The following GFRA1 variants were observed in gnomAD, a reference collection of about 807,000 sequenced individuals.
The protein encoded by GFRA1 is GDNF family receptor alpha-1.
GFRA1 carries 16 observed loss-of-function variants against 51.6 expected under a neutral mutation model. The ratio of observed to expected loss-of-function variants is 0.31; its 90% CI spans 0.21 to 0.47. GFRA1 has a LOEUF of 0.47. GFRA1 is among the 20% of genes least tolerant of loss of function. The pLI, the probability that GFRA1 is intolerant of heterozygous loss-of-function variation, is 1.00. For synonymous variants in GFRA1, 270 were observed against 241.3 expected, an observed-to-expected ratio of 1.12 and a Z score of -1.10; for missense variants, 530 against 594.3, an observed-to-expected ratio of 0.89 and a Z score of 1.13.
chr10:116,096,896 C>CAT, intron 6 of GFRA1, 132 bp from the exon 7 acceptor site: 2 of 416,612 alleles, frequency 4.8e-6, no homozygotes, highest in Non-Finnish European at 8.8e-6. Context: ...CACACACACA[C>CAT]ACACATACAC....
At chr10:116,090,641 A>C (rs2133877985) in intron 8 of GFRA1, among the ~76,000 whole-genome samples, 1 of 152,266 alleles carries the variant, frequency 6.6e-6, no homozygotes, top group African/African-American at 2.4e-5. Flanking sequence ...TTATGGCAAG[A>C]TTAAATTGGT....
intron 6 of GFRA1, among the ~76,000 whole-genome samples, chr10:116,123,148 A>G (rs1286060944): frequency 6.6e-6 from 1 of 151,992 alleles, no homozygotes; most frequent in African/African-American, 2.4e-5. Context: ...GTGCTTCGAC[A>G]CCCTAATTGA....
chr10:116,185,818 A>G (rs888607238), intron 5 of GFRA1, among the ~76,000 whole-genome samples: 3 of 152,174 alleles, frequency 2.0e-5, no homozygotes, highest in South Asian at 2.1e-4. Context: ...GCAGGGCAAT[A>G]AAGCCTAAGT....
chr10:116,162,040 T>C (rs1253781591), intron 5 of GFRA1, among the ~76,000 whole-genome samples: 4 of 152,244 alleles, frequency 2.6e-5, no homozygotes, highest in Non-Finnish European at 5.9e-5. Flanking sequence ...GTTTTCTATT[T>C]GCCAGCTCTT....
rs1339119180 is a variant in GFRA1, at chr10:116,058,100, C to T, written c.*6298G>A. On this transcript the variant is annotated 3_prime_UTR_variant, in exon 11 of 11. Transcript: ENST00000355422. ...TATGTGCCAGCGAACTGAGAAGGTC[C>T]AGGGTACCTTCACCTGCACTGCCAC... is the stretch of plus-strand genomic sequence containing the variant. The T allele has an allele frequency of 6.6e-6, 1 of 150,502 alleles. No individual in the cohort carries two copies. Among genetic ancestry groups the T allele is most frequent in the East Asian group, 2.0e-4 (1 of 4,950 alleles). 9.3% of individuals were successfully genotyped at this position (150,502 alleles called of 1,614,324 possible).
intron 6 of GFRA1, among the ~76,000 whole-genome samples, chr10:116,120,870 A>AG (rs1957613886): frequency 1.3e-5 from 2 of 152,196 alleles, no homozygotes; most frequent in African/African-American, 4.8e-5. Flanking sequence ...ACCACCAAGC[A>AG]CACCCTGAGT....
At chr10:116,070,546 C>G (rs891677506) in intron 9 of GFRA1, among the ~76,000 whole-genome samples, 2 of 152,150 alleles carry the variant, frequency 1.3e-5, no homozygotes, top group African/African-American at 4.8e-5. Flanking sequence ...GCAGAGGAAC[C>G]TGCTTCCAAG....
intron 9 of GFRA1, among the ~76,000 whole-genome samples, chr10:116,088,781 C>A (rs993117882): frequency 6.6e-6 from 1 of 151,776 alleles, no homozygotes; most frequent in Non-Finnish European, 1.5e-5. Flanking sequence ...ATTAGCCAGG[C>A]GTGGTGGTGG....
intron 4 of GFRA1, among the ~76,000 whole-genome samples, chr10:116,215,210 G>T (rs990238281): frequency 1.3e-5 from 2 of 152,138 alleles, no homozygotes; most frequent in Non-Finnish European, 2.9e-5. Context: ...AGCGATCATA[G>T]CTCAGGCACA....
chr10:116,189,887 C>G (rs1005162746), intron 5 of GFRA1, among the ~76,000 whole-genome samples: 1 of 151,622 alleles, frequency 6.6e-6, no homozygotes, highest in East Asian at 1.9e-4. Context: ...TGCATTAGGC[C>G]AGGGTTTTTT....
chr10:116,187,399 C>T (rs1449743809), intron 5 of GFRA1, among the ~76,000 whole-genome samples: 10 of 152,142 alleles, frequency 6.6e-5, no homozygotes. Flanking sequence ...GTAAGTTGGA[C>T]GAAGTGCTCA....
chr10:116,118,089 T>C (rs1004476667), intron 6 of GFRA1, among the ~76,000 whole-genome samples: 2 of 152,208 alleles, frequency 1.3e-5, no homozygotes, highest in Admixed American at 6.5e-5. Context: ...TCTATGTGAA[T>C]GATTGTAACC....
intron 9 of GFRA1, among the ~76,000 whole-genome samples, chr10:116,066,156 C>A (rs1394238011): frequency 6.6e-6 from 1 of 152,142 alleles, no homozygotes; most frequent in Non-Finnish European, 1.5e-5. Context: ...TTCATTGCTT[C>A]AGTCAACAAA....
At chr10:116,095,988 TTTGC>T (rs1345635839) in intron 7 of GFRA1, among the ~76,000 whole-genome samples, 1 of 152,082 alleles carries the variant, frequency 6.6e-6, no homozygotes, top group Admixed American at 6.5e-5. Flanking sequence ...GGGGTCCAAG[TTTGC>T]TTCCCTTCTG....
chr10:116,066,150 T>C lies in GFRA1; in HGVS notation c.1198-524A>G, dbSNP rs190659491. The stretch of plus-strand genomic sequence containing the variant: ...CTGGGCTTGTTTGTTTGTTCATTCA[T>C]TGCTTCAGTCAACAAACCCTTACTG... On this transcript the variant is annotated intron_variant, in intron 9 of 10. Transcript: ENST00000355422. Among the ~76,000 whole-genome samples, 9 of 152,306 alleles carry C rather than the reference T, an allele frequency of 5.9e-5. No homozygotes were observed. The East Asian group carries it at 1.7e-3, about 29-fold the overall frequency.
chr10:116,122,672 T>C (rs540004916), intron 6 of GFRA1, among the ~76,000 whole-genome samples: 72 of 152,294 alleles, frequency 4.7e-4, no homozygotes, highest in Non-Finnish European at 8.7e-4. Context: ...ATATGGGCTT[T>C]CTCAATATGT....
At chr10:116,166,231 C>G (rs1024235633) in intron 5 of GFRA1, among the ~76,000 whole-genome samples, 1 of 152,182 alleles carries the variant, frequency 6.6e-6, no homozygotes, top group South Asian at 2.1e-4. Flanking sequence ...CATGTCTTTG[C>G]TATTGTGGGT....
chr10:116,075,539 C>CAAAG (rs1404381642), intron 9 of GFRA1, among the ~76,000 whole-genome samples: 1 of 152,020 alleles, frequency 6.6e-6, no homozygotes, highest in Non-Finnish European at 1.5e-5. Context: ...ATCCAAGGAC[C>CAAAG]AAAGAGATTA....
intron 4 of GFRA1, among the ~76,000 whole-genome samples, chr10:116,250,204 TC>T (rs1304469049): frequency 6.6e-6 from 1 of 152,202 alleles, no homozygotes; most frequent in Non-Finnish European, 1.5e-5. Context: ...TTTAAGAATT[TC>T]TCTGACAATA....
Sources: allele counts gnomAD v4.1 joint callset (sites outside exome capture counted in the v4.1 genomes callset), GRCh38; gene constraint gnomAD v4.1.1; transcripts MANE v1.5; gene names NCBI Gene and HGNC (gene_info 2026-07-23, HGNC 2026-07-21).